Variants in PCLO observed in about 807,000 individuals in gnomAD.
PCLO encodes protein piccolo.
PCLO carries 82 observed loss-of-function variants against 427.5 expected under a neutral mutation model. That is an observed-to-expected ratio of 0.19 (90% CI 0.16 to 0.23). The LOEUF (loss-of-function observed/expected upper bound fraction) is 0.23, where lower values mean the gene tolerates loss of function less well. Ranked by LOEUF, PCLO falls within the 10% of genes least tolerant of loss-of-function variation. The probability of loss-of-function intolerance (pLI) is 1.00; values close to 1 mark genes in which losing one functional copy is unlikely to be tolerated. For synonymous variants in PCLO, 2,357 were observed against 2,155.4 expected (o/e 1.09, Z -2.59); for missense variants, 6,239 against 6,115.9 (o/e 1.02, Z -0.67).
chr7:82,788,227 A>T (rs1249845519), intron 22 of PCLO, among the ~76,000 whole-genome samples: 1 of 147,584 alleles, frequency 6.8e-6, no homozygotes, highest in African/African-American at 2.5e-5. Context: ...ATAATTATAT[A>T]TAATATATAA....
chr7:82,965,269 AT>A (rs1795738306), intron 4 of PCLO, among the ~76,000 whole-genome samples: 1 of 146,764 alleles, frequency 6.8e-6, no homozygotes, highest in Admixed American at 6.8e-5. Flanking sequence ...TTTGCTTTGG[AT>A]TTTAGTTACG....
At chr7:83,124,313 C>A (rs2371540) in intron 3 of PCLO, among the ~76,000 whole-genome samples, 40,490 of 148,128 alleles carry the variant, frequency 0.27, 6,381 homozygotes, top group East Asian at 0.54. Context: ...GAGATAGCAC[C>A]ACTGTACTCC....
In PCLO at chr7:82,760,739, T is replaced by A; in HGVS notation, c.15188A>T (p.Lys5063Met). The A allele has an allele frequency of 1.3e-6, 2 of 1,519,868 alleles. No individual in the cohort carries two copies. Among genetic ancestry groups the A allele is most frequent in the Non-Finnish European group, 1.8e-6 (2 of 1,100,912 alleles). 94.1% of individuals were successfully genotyped at this position (1,519,868 alleles called of 1,614,324 possible). Residue 5063 changes from lysine (K) to methionine (M), a missense_variant, in exon 24 of 25, where the codon AAG becomes ATG. Coordinates refer to ENST00000333891, the MANE Select transcript of PCLO (RefSeq NM_033026.6). ...TACTCTTGTTTTTTTCTTGATCACC[T>A]TTTTTTGGGTAGAAATATTCATCAC... ...IYVMNISTQK[K>M]VIKKKTRVCR... is the part of the protein sequence containing the mutation.
At chr7:82,877,176 C>A (rs1228413968) in intron 10 of PCLO, among the ~76,000 whole-genome samples, 1 of 152,048 alleles carries the variant, frequency 6.6e-6, no homozygotes, top group Admixed American at 6.6e-5. Context: ...ATAAAGGCCA[C>A]CTAGACTACA....
At chr7:82,794,498 G>T in intron 22 of PCLO, among the ~76,000 whole-genome samples, 2 of 19,006 alleles carry the variant, frequency 1.1e-4, no homozygotes, top group Non-Finnish European at 4.9e-4. Context: ...TTGAGACACA[G>T]TCTTGCTTTG....
At chr7:82,934,925 A>G (rs986742011) in intron 6 of PCLO, among the ~76,000 whole-genome samples, 3 of 151,562 alleles carry the variant, frequency 2.0e-5, no homozygotes, top group African/African-American at 7.2e-5. Context: ...AACAAAAGCC[A>G]TAATTCTCTA....
chr7:82,964,810 T>C (rs767807858), intron 4 of PCLO, among the ~76,000 whole-genome samples: 2 of 152,130 alleles, frequency 1.3e-5, no homozygotes, highest in Non-Finnish European at 2.9e-5. Flanking sequence ...GAGACCAGGA[T>C]TTACTTAGAC....
At chr7:83,050,391 C>CTATATACTA (rs1439741930) in intron 3 of PCLO, among the ~76,000 whole-genome samples, 1 of 151,188 alleles carries the variant, frequency 6.6e-6, no homozygotes, top group Admixed American at 6.6e-5. Context: ...TACTATTAAT[C>CTATATACTA]TATATACTAT....
rs112948286 is a variant in PCLO at position 82,818,458 on chromosome 7, T to C, written c.14791+4037A>G. On this transcript the variant is annotated intron_variant, in intron 20 of 24. Transcript: ENST00000333891. ...GCACAGTGGGAAGGCTTCCTTTTGT[T>C]GGGTTAAATCAACAACCTTTAGAAA... Among the ~76,000 whole-genome samples the C allele has an allele frequency of 1.9e-3, 282 of 152,256 alleles. 4 individuals are homozygous for C. Among genetic ancestry groups the C allele is most frequent in the African/African-American group, 6.5e-3 (270 of 41,574 alleles).
At chr7:83,011,533 T>G (rs1428866192) in intron 3 of PCLO, among the ~76,000 whole-genome samples, 1 of 151,758 alleles carries the variant, frequency 6.6e-6, no homozygotes, top group Non-Finnish European at 1.5e-5. Flanking sequence ...TCTGAGGAAC[T>G]TACAAATAAA....
In PCLO at chr7:82,953,860, C is replaced by G; in HGVS notation, c.7093G>C (p.Glu2365Gln). 3 of 1,613,628 alleles carry G rather than the reference C, an allele frequency of 1.9e-6. No homozygotes were observed. The highest frequency in any genetic ancestry group is 2.7e-5 in the African/African-American group (2 of 74,998). The change falls in exon 5 of 25, where the codon GAG becomes CAG. Residue 2365 changes from glutamate to glutamine, a missense_variant. Around this residue, in one of 5 missense-constraint regions of PCLO, gnomAD observed 4,677 missense variants for 4,468.4 expected, o/e 1.05. Transcript: ENST00000333891. ...QLSTTYFTSG[E>Q]TFGQEKPASQ... Reference sequence around the variant, plus strand: ...GCAGGTTTTTCCTGACCAAAGGTCTCTCCAGATGTAAAGTATGTAGTTGAA... The same window carrying G: ...GCAGGTTTTTCCTGACCAAAGGTCTGTCCAGATGTAAAGTATGTAGTTGAA...
chr7:82,862,566 C>CAA (rs36075501), intron 10 of PCLO, among the ~76,000 whole-genome samples: 1,806 of 92,054 alleles, frequency 0.02, 71 homozygotes, highest in African/African-American at 0.059. Flanking sequence ...GACTCTGCCT[C>CAA]AAAAAAAAAA....
At chr7:83,086,106 CCTTTTTTTTT>C (rs1790223410) in intron 3 of PCLO, among the ~76,000 whole-genome samples, 1 of 133,066 alleles carries the variant, frequency 7.5e-6, no homozygotes, top group Non-Finnish European at 1.6e-5. Flanking sequence ...TTCTTTCTTT[CCTTTTTTTTT>C]CTTTTTTTTT....
chr7:83,036,601 T>TG (rs1044098022), intron 3 of PCLO, among the ~76,000 whole-genome samples: 1 of 152,084 alleles, frequency 6.6e-6, no homozygotes, highest in African/African-American at 2.4e-5. Flanking sequence ...TGAAATGTGT[T>TG]GGGGGGTGAC....
chr7:83,015,172 T>C (rs1366619116), intron 3 of PCLO, among the ~76,000 whole-genome samples: 1 of 152,136 alleles, frequency 6.6e-6, no homozygotes, highest in Non-Finnish European at 1.5e-5. Context: ...TATGACACTA[T>C]ACTGCTTTGC....
intron 21 of PCLO, among the ~76,000 whole-genome samples, chr7:82,801,994 T>C (rs959619386): frequency 2.0e-5 from 3 of 151,990 alleles, no homozygotes; most frequent in African/African-American, 7.2e-5. Context: ...TTATTCCAGT[T>C]TTTTTGGTAA....
intron 3 of PCLO, among the ~76,000 whole-genome samples, chr7:83,007,648 T>C (rs1271006958): frequency 6.6e-6 from 1 of 151,564 alleles, no homozygotes; most frequent in Non-Finnish European, 1.5e-5. Context: ...ATAAAATATT[T>C]ATTGGGGGAG....
chr7:83,135,081 T>G lies in PCLO; in HGVS notation c.2469A>C (p.Arg823=), dbSNP rs777141802. The change falls in exon 3 of 25, where the codon CGA becomes CGC. Residue 823 remains arginine, a synonymous_variant. Transcript: ENST00000333891. The stretch of plus-strand genomic sequence containing the variant: ...AAATAATTTTTGAATCTGATGCAGG[T>G]CGAGGTATGGCTTTAGAATCAAATG... ...VSPFDSKAIP[R]PASDSKIISH... 1 of 1,613,932 alleles carries G rather than the reference T, an allele frequency of 6.2e-7. No homozygotes were observed.
intron 10 of PCLO, among the ~76,000 whole-genome samples, chr7:82,868,673 A>C (rs1793156018): frequency 1.3e-5 from 2 of 152,226 alleles, no homozygotes; most frequent in African/African-American, 2.4e-5. Context: ...CTTGCCATGT[A>C]GCTCTGGCTA....
Sources: gnomAD v4.1 joint callset for allele counts (sites outside exome capture counted in the v4.1 genomes callset) on GRCh38, gnomAD v4.1.1 for gene constraint, gnomAD v4.1.1 regional missense constraint, MANE v1.5 for transcripts, NCBI Gene and HGNC (gene_info 2026-07-23, HGNC 2026-07-21) for gene names.